MICU2: variants seen among roughly 807,000 people sequenced by gnomAD.
MICU2 encodes mitochondrial calcium uptake 2.
Under a neutral mutation model 60.4 loss-of-function variants are expected in MICU2, and 64 were observed. The observed-to-expected ratio is 1.06, with a 90% confidence interval of 0.87 to 1.31. The LOEUF (loss-of-function observed/expected upper bound fraction) is 1.31. MICU2 is among the 50% of genes most tolerant of loss of function. The probability of loss-of-function intolerance (pLI) is 0.00; values close to 1 mark genes in which losing one functional copy is unlikely to be tolerated. For synonymous variants in MICU2, 201 were observed against 175.0 expected (o/e 1.15, Z -1.17); for missense variants, 569 against 531.0 (o/e 1.07, Z -0.70).
At chr13:21,587,780 A>AT (rs1361241419) in intron 1 of MICU2, among the ~76,000 whole-genome samples, 2 of 152,244 alleles carry the variant, frequency 1.3e-5, no homozygotes, top group Non-Finnish European at 2.9e-5. Context: ...AGTATTAGTA[A>AT]AATGATGAAT....
chr13:21,533,322 C>CT (rs1887049032), intron 4 of MICU2, among the ~76,000 whole-genome samples: 1 of 139,708 alleles, frequency 7.2e-6, no homozygotes, highest in Admixed American at 7.7e-5. Flanking sequence ...TAAGGCAGCG[C>CT]AATTTTTTTT....
intron 7 of MICU2, among the ~76,000 whole-genome samples, chr13:21,510,701 C>A (rs968610911): frequency 2.0e-5 from 3 of 152,144 alleles, no homozygotes; most frequent in Admixed American, 6.5e-5. Flanking sequence ...AAACAGCAGT[C>A]AGAGAAACAG....
chr13:21,497,944 G>A (rs1012290381), intron 9 of MICU2, among the ~76,000 whole-genome samples: 1 of 152,192 alleles, frequency 6.6e-6, no homozygotes, highest in East Asian at 1.9e-4. Context: ...TAGTAGAGAC[G>A]AGATCTCGCT....
chr13:21,600,265 C>A (rs757173452), intron 1 of MICU2, among the ~76,000 whole-genome samples: 2 of 152,186 alleles, frequency 1.3e-5, no homozygotes, highest in Middle Eastern at 3.2e-3. Context: ...AGCTCTTACT[C>A]TGCTGAGTCC....
intron 1 of MICU2, among the ~76,000 whole-genome samples, chr13:21,593,943 G>T (rs957942207): frequency 2.6e-5 from 4 of 152,130 alleles, no homozygotes; most frequent in Non-Finnish European, 5.9e-5. Context: ...AGAAAACCTA[G>T]GCAATACCAT....
At chr13:21,579,033 G>T (rs534602756) in intron 1 of MICU2, among the ~76,000 whole-genome samples, 1 of 152,174 alleles carries the variant, frequency 6.6e-6, no homozygotes, top group Non-Finnish European at 1.5e-5. Flanking sequence ...GGTTGATTAA[G>T]GTTTTAGTGG....
intron 8 of MICU2, among the ~76,000 whole-genome samples, chr13:21,507,966 T>C (rs1370980666): frequency 6.6e-6 from 1 of 152,020 alleles, no homozygotes; most frequent in Non-Finnish European, 1.5e-5. Context: ...TCTCACTCTG[T>C]CACCCAGGCT....
chr13:21,569,070 G>C (rs371665540), intron 1 of MICU2, among the ~76,000 whole-genome samples: 6 of 152,106 alleles, frequency 3.9e-5, no homozygotes, highest in East Asian at 3.9e-4. Flanking sequence ...AAAAGGTAGA[G>C]GAATTGAAAC....
chr13:21,564,621 G>A (rs1173841943), intron 2 of MICU2, among the ~76,000 whole-genome samples: 1 of 152,154 alleles, frequency 6.6e-6, no homozygotes, highest in Non-Finnish European at 1.5e-5. Context: ...GGTGAGACAA[G>A]AAGGCCAGAG....
At chr13:21,526,348 G>T (rs1886856188) in intron 4 of MICU2, among the ~76,000 whole-genome samples, 1 of 151,672 alleles carries the variant, frequency 6.6e-6, no homozygotes, top group African/African-American at 2.4e-5. Flanking sequence ...GGTGGTCATT[G>T]GTCCCATAAA....
chr13:21,566,941 T>A lies in MICU2; in HGVS notation c.214A>T (p.Asn72Tyr). 2 of 1,592,500 alleles carry A rather than the reference T, an allele frequency of 1.3e-6. No individual in the cohort carries two copies. The change falls in exon 2 of 12, where the codon AAT becomes TAT. Residue 72 changes from asparagine (N) to tyrosine (Y), a missense_variant. Transcript: ENST00000382374. ...DGSFTVSAQKNVEHGIIYIGK... is the reference protein window; with the variant it reads ...DGSFTVSAQKYVEHGIIYIGK... ...ATATATATTATTCCATGTTCAACATTTTTCTAAAAGAAAAATAAATTGCAA... is the reference window on the plus strand; with the variant it reads ...ATATATATTATTCCATGTTCAACATATTTCTAAAAGAAAAATAAATTGCAA...
At chr13:21,507,518 A>G (rs1339655415) in intron 8 of MICU2, among the ~76,000 whole-genome samples, 3 of 152,274 alleles carry the variant, frequency 2.0e-5, no homozygotes, top group East Asian at 3.9e-4. Context: ...TGTTGAAAAA[A>G]TTGTTCTAGA....
intron 4 of MICU2, among the ~76,000 whole-genome samples, chr13:21,534,077 C>G (rs527384136): frequency 7.2e-6 from 1 of 138,322 alleles, no homozygotes; most frequent in South Asian, 2.2e-4. Flanking sequence ...GTGAGACTGT[C>G]TAAAAAAAAA....
At chr13:21,499,708 C>A (rs1433620603) in intron 9 of MICU2, among the ~76,000 whole-genome samples, 1 of 152,074 alleles carries the variant, frequency 6.6e-6, no homozygotes, top group Non-Finnish European at 1.5e-5. Context: ...CCGTGCCCAG[C>A]TGGGTCTCAC....
intron 2 of MICU2, among the ~76,000 whole-genome samples, chr13:21,552,204 ATG>A (rs1374812644): frequency 1.3e-5 from 2 of 152,004 alleles, no homozygotes; most frequent in East Asian, 3.9e-4. Context: ...GCATTTTTTC[ATG>A]TGTTTTTTGG....
intron 2 of MICU2, among the ~76,000 whole-genome samples, chr13:21,555,721 T>C (rs1180521302): frequency 6.6e-6 from 1 of 150,524 alleles, no homozygotes; most frequent in Non-Finnish European, 1.5e-5. Flanking sequence ...TATAAGGCTA[T>C]TTCTGTAAAC....
chr13:21,588,638 G>A (rs550382116), intron 1 of MICU2, among the ~76,000 whole-genome samples: 2 of 152,132 alleles, frequency 1.3e-5, no homozygotes, highest in South Asian at 2.1e-4. Flanking sequence ...ATCCCCAAGC[G>A]GATGTGTGGT....
chr13:21,529,483 T>A (rs1010448772), intron 4 of MICU2, among the ~76,000 whole-genome samples: 1 of 152,128 alleles, frequency 6.6e-6, no homozygotes, highest in Non-Finnish European at 1.5e-5. Flanking sequence ...AGTCATCTCA[T>A]GAATGCTAAA....
intron 2 of MICU2, among the ~76,000 whole-genome samples, chr13:21,544,016 C>A (rs1390890057): frequency 6.6e-6 from 1 of 152,108 alleles, no homozygotes; most frequent in Admixed American, 6.6e-5. Flanking sequence ...CATGTATCTA[C>A]AGCCAATTGA....
Sources: allele counts gnomAD v4.1 joint callset (sites outside exome capture counted in the v4.1 genomes callset), GRCh38; gene constraint gnomAD v4.1.1; transcripts MANE v1.5; gene names NCBI Gene and HGNC (gene_info 2026-07-23, HGNC 2026-07-21).